Variants in SASH1 observed in about 807,000 individuals in gnomAD.
SASH1 encodes SAM and SH3 domain containing 1, also known as SAM and SH3 domain-containing protein 1.
A neutral mutation model predicts 125.2 loss-of-function variants in SASH1; 44 were observed. The ratio of observed to expected loss-of-function variants is 0.35; its 90% confidence interval spans 0.28 to 0.45. The LOEUF is 0.45. SASH1 is among the 20% of genes least tolerant of loss of function. SASH1 has a pLI of 1.00. For missense variants in SASH1, 1,426 were observed against 1,614.5 expected (o/e 0.88, Z 2.00); for synonymous variants, 639 against 649.1 (o/e 0.98, Z 0.24).
chr6:148,531,145 C>T lies in SASH1; in HGVS notation c.1429-381C>T, dbSNP rs141917078. 4.4e-3 allele frequency among the ~76,000 whole-genome samples: 664 copies of T among 152,242 alleles called. 2 individuals are homozygous for T. The highest frequency in any genetic ancestry group is 6.7e-3 in the Non-Finnish European group (458 of 68,016). ...GATTAAATATCCTCTGACTACACTT[C>T]CAGGTATTCTAGTAATCATGGATTG... is the stretch of plus-strand genomic sequence containing the variant. On this transcript the variant is annotated intron_variant, in intron 12 of 19. Transcript: ENST00000367467.
intron 2 of SASH1, chr6:148,393,566 C>T: frequency 2.8e-6 from 1 of 351,828 alleles, no homozygotes; most frequent in Non-Finnish European, 4.0e-6. Context: ...CTTTGGAAGG[C>T]AGCTTCTAGG....
the SASH1 span, among the ~76,000 whole-genome samples, chr6:148,266,549 T>C: frequency 6.6e-6 from 1 of 152,196 alleles, no homozygotes; most frequent in Non-Finnish European, 1.5e-5. Flanking sequence ...CCTACTGCTG[T>C]TGTATTATTA....
At chr6:148,371,255 A>G (rs550385916) in intron 1 of SASH1, among the ~76,000 whole-genome samples, 3 of 152,026 alleles carry the variant, frequency 2.0e-5, no homozygotes, top group Non-Finnish European at 2.9e-5. Context: ...TTTCTGAATT[A>G]TATCTATGGA....
chr6:148,397,797 A>G (rs1462873503), intron 2 of SASH1, among the ~76,000 whole-genome samples: 2 of 152,220 alleles, frequency 1.3e-5, no homozygotes, highest in Non-Finnish European at 2.9e-5. Context: ...GCATTTAAAT[A>G]TATTTGAAAT....
At chr6:148,269,315 C>T (rs1367298645), upstream of SASH1, among the ~76,000 whole-genome samples, 2 of 151,898 alleles carry the variant, frequency 1.3e-5, no homozygotes, top group Non-Finnish European at 2.9e-5. Context: ...TTCTGGGATA[C>T]GGTCTTCCTT....
chr6:148,301,908 A>G (rs976669782), intron 1 of SASH1, among the ~76,000 whole-genome samples: 3 of 151,702 alleles, frequency 2.0e-5, no homozygotes, highest in African/African-American at 7.3e-5. Flanking sequence ...GTAGTTCTAT[A>G]TTAAAAACAA....
chr6:148,486,899 G>A (rs1421350766), intron 7 of SASH1, among the ~76,000 whole-genome samples: 2 of 127,602 alleles, frequency 1.6e-5, no homozygotes, highest in African/African-American at 3.0e-5. Flanking sequence ...TGTAGCCTGG[G>A]TGACAGAGTA....
chr6:148,207,665 A>T, the SASH1 span, among the ~76,000 whole-genome samples: 1 of 152,218 alleles, frequency 6.6e-6, no homozygotes. Flanking sequence ...GAATGAAGAG[A>T]TGGATTCATT....
chr6:148,435,405 A>G (rs982502936), intron 2 of SASH1, among the ~76,000 whole-genome samples: 4 of 151,456 alleles, frequency 2.6e-5, no homozygotes, highest in Non-Finnish European at 5.9e-5. Context: ...AAAGGATAGT[A>G]TATTTACACT....
intron 2 of SASH1, among the ~76,000 whole-genome samples, chr6:148,394,886 T>C (rs535237084): frequency 2.1e-3 from 320 of 152,114 alleles, no homozygotes; most frequent in Non-Finnish European, 3.7e-3. Flanking sequence ...TCAGGTGATC[T>C]ACCTGCCTCG....
rs1472621484 is a variant in SASH1, at chr6:148,473,967, C to T, written c.515-143C>T. 4.4e-5 allele frequency: 25 copies of T among 571,340 alleles called. No homozygotes were observed. In the Admixed American group the frequency reaches 7.9e-4, roughly 18 times the overall value. 35.4% of individuals were successfully genotyped at this position (571,340 alleles called of 1,614,324 possible). A position where few individuals can be genotyped will look rare whatever the true frequency, so the allele number is the denominator to read the frequency against. On this transcript the variant is annotated intron_variant, in intron 6 of 19. Coordinates refer to ENST00000367467, the MANE Select transcript of SASH1 (RefSeq NM_015278.5). ...TTAAAAAGCAGCATATTTTTGCCACCCTTTGCTTCATCAGTAACGTTCAAC... is the reference window on the plus strand; with the variant it reads ...TTAAAAAGCAGCATATTTTTGCCACTCTTTGCTTCATCAGTAACGTTCAAC...
chr6:148,224,301 A>T, the SASH1 span, among the ~76,000 whole-genome samples: 1 of 151,100 alleles, frequency 6.6e-6, no homozygotes, highest in South Asian at 2.1e-4. Context: ...AAAAAGTAGA[A>T]GAAAGCCTTA....
chr6:148,396,625 T>C (rs1783964553), intron 2 of SASH1, among the ~76,000 whole-genome samples: 1 of 152,120 alleles, frequency 6.6e-6, no homozygotes, highest in African/African-American at 2.4e-5. Context: ...TAGTGTCCAT[T>C]GTAACCAGTG....
chr6:148,205,408 A>G, the SASH1 span, among the ~76,000 whole-genome samples: 2 of 152,116 alleles, frequency 1.3e-5, no homozygotes. Context: ...TCCAAAAGCA[A>G]TATCTGCCAG....
At chr6:148,278,277 A>T (rs1396204377) in intron 1 of SASH1, among the ~76,000 whole-genome samples, 6 of 151,612 alleles carry the variant, frequency 4.0e-5, no homozygotes, top group African/African-American at 1.5e-4. Context: ...CCTCAGGTGA[A>T]CCACCAGCCT....
At chr6:148,203,072 T>A in the SASH1 span, among the ~76,000 whole-genome samples, 3 of 152,182 alleles carry the variant, frequency 2.0e-5, no homozygotes, top group African/African-American at 7.2e-5. Flanking sequence ...TACATTGTTA[T>A]GAGAACTATA....
chr6:148,307,023 CTTTT>C (rs1780145408), intron 1 of SASH1, among the ~76,000 whole-genome samples: 1 of 140,570 alleles, frequency 7.1e-6, no homozygotes, highest in Non-Finnish European at 1.6e-5. Context: ...CTTTCTCTTT[CTTTT>C]CTTTCTTTCT....
At chr6:148,355,491 G>T (rs971602310) in intron 1 of SASH1, among the ~76,000 whole-genome samples, 10 of 152,224 alleles carry the variant, frequency 6.6e-5, no homozygotes, top group Admixed American at 2.0e-4. Flanking sequence ...AAATCTTCAT[G>T]ATGTAACTTT....
chr6:148,417,265 C>T (rs912632236), intron 2 of SASH1, among the ~76,000 whole-genome samples: 4 of 152,084 alleles, frequency 2.6e-5, no homozygotes, highest in African/African-American at 4.8e-5. Flanking sequence ...ACTGGGAGGG[C>T]CAGTAGATCT....
Sources: gnomAD v4.1 joint callset for allele counts (sites outside exome capture counted in the v4.1 genomes callset) on GRCh38, gnomAD v4.1.1 for gene constraint, MANE v1.5 for transcripts, NCBI Gene and HGNC (gene_info 2026-07-23, HGNC 2026-07-21) for gene names.